The following RAD54L variants were observed in gnomAD, a reference collection of about 807,000 sequenced individuals.
RAD54L encodes the protein RAD54 like.
RAD54L carries 74 observed loss-of-function variants against 91.6 expected under a neutral mutation model. That is an observed-to-expected ratio of 0.81 (90% confidence interval 0.67 to 0.98). RAD54L has a LOEUF of 0.98. Ranked by LOEUF, RAD54L falls within the 50% of genes least tolerant of loss-of-function variation. The pLI is 0.00. For synonymous variants in RAD54L, 304 were observed against 349.7 expected, an observed-to-expected ratio of 0.87 and a Z score of 1.46; for missense variants, 887 against 945.7, an observed-to-expected ratio of 0.94 and a Z score of 0.81.
chr1:46,260,948 G>T lies in RAD54L; in HGVS notation c.699G>T (p.Trp233Cys), dbSNP rs1485410090. Residue 233 changes from tryptophan (W) to cysteine (C), a missense_variant, in exon 7 of 18, where the codon TGG becomes TGT. Trp to Cys is a radical substitution (Grantham distance 215, BLOSUM62 -2). Coordinates refer to ENST00000371975, the MANE Select transcript of RAD54L (RefSeq NM_003579.4). Reference sequence around the variant, plus strand: ...ACTGGTACAATGAGGTTGGGAAATGGCTCGGAGGGAGGATCCAACCTCTGG... The same window carrying T: ...ACTGGTACAATGAGGTTGGGAAATGTCTCGGAGGGAGGATCCAACCTCTGG... ...VKNWYNEVGKWLGGRIQPLAI... is the reference protein window; with the variant it reads ...VKNWYNEVGKCLGGRIQPLAI... 2 of 1,614,066 alleles carry T rather than the reference G, an allele frequency of 1.2e-6. No individual in the cohort carries two copies. The highest frequency in any genetic ancestry group is 2.7e-5 in the African/African-American group (2 of 74,924).
chr1:46,274,304 T>C, intron 15 of RAD54L, 88 bp downstream of exon 15: 1 of 1,214,472 alleles, frequency 8.2e-7, no homozygotes, highest in Non-Finnish European at 1.2e-6. Context: ...TTACCTTGAT[T>C]TTTTTTTTTT....
Position 46,260,564 on chromosome 1 carries a change from GT to G in RAD54L, c.432del (p.Val145LeufsTer17). On this transcript the variant is annotated frameshift_variant, in exon 6 of 18. Transcript: ENST00000371975. LOFTEE classifies it high-confidence loss of function. ...CAGGGAGAAACTCCCTGTCCATGTG[GT>G]TGTTGACCCTATTCTCAGTAAGGTT... ...LDKEKLPVHVVVDPILSKVLR... is the reference protein window; with the variant it reads ...LDKEKLPVHVXVDPILSKVLR... 6.2e-7 allele frequency: 1 copy of G among 1,614,128 alleles called. No homozygotes were observed. Among genetic ancestry groups the G allele is most frequent in the Non-Finnish European group, 8.5e-7 (1 of 1,180,014 alleles).
At position 46,258,728 on chromosome 1, in the gene RAD54L, C is replaced by T. The variant is rs761954096; in HGVS notation, c.253C>T (p.Pro85Ser). Residue 85 changes from proline (P) to serine (S), a missense_variant, in exon 4 of 18, where the codon CCC becomes TCC. Pro to Ser is a moderately conservative substitution (Grantham distance 74). Coordinates refer to ENST00000371975, the MANE Select transcript of RAD54L (RefSeq NM_003579.4). The stretch of plus-strand genomic sequence containing the variant: ...CATTTTGTCAAAGCCTTTCAAAGTC[C>T]CCATTCCAAATTATCAAGGTAAAAT... ...RSILSKPFKV[P>S]IPNYQGPLGS... The T allele has an allele frequency of 2.5e-6, 4 of 1,605,262 alleles. No homozygotes were observed. Among genetic ancestry groups the T allele is most frequent in the South Asian group, 1.1e-5 (1 of 90,892 alleles).
rs1569625531 is a variant in RAD54L, at chr1:46,277,481, A to G, written c.1870-336A>G. 8.3e-5 allele frequency: 33 copies of G among 398,806 alleles called. 2 individuals carry two copies. The highest frequency in any genetic ancestry group is 5.5e-4 in the South Asian group (24 of 43,436). 24.7% of individuals were successfully genotyped at this position (398,806 alleles called of 1,614,324 possible). On this transcript the variant is annotated intron_variant, in intron 16 of 17. Transcript: ENST00000371975. Reference sequence around the variant, plus strand: ...CTGGAATAGAATAGATACCTAAATGATATTTATTGAATGAGTTAGAGTTGG... The same window carrying G: ...CTGGAATAGAATAGATACCTAAATGGTATTTATTGAATGAGTTAGAGTTGG...
intron 12 of RAD54L, among the ~76,000 whole-genome samples, 170 bp from the exon 13 acceptor site, chr1:46,273,185 G>A (rs138328924): frequency 2.0e-5 from 3 of 152,264 alleles, no homozygotes; most frequent in Admixed American, 6.5e-5. Flanking sequence ...TCCATCCATC[G>A]TCCCAGATGG....
At position 46,272,687 on chromosome 1, in the gene RAD54L, G is replaced by T. The variant is rs763313232; in HGVS notation, c.1260G>T (p.Gln420His). ...CCTTTTTTAGGCTGACACCCCTTCA[G>T]ACTGAGTTATACAAGAGGTTTCTGA... ...QVVCCRLTPL[Q>H]TELYKRFLRQ... Residue 420 changes from glutamine to histidine, a missense_variant, in exon 12 of 18, where the codon CAG (glutamine) becomes CAT (histidine). Physicochemically the swap from Gln to His is conservative, Grantham distance 24. Coordinates refer to ENST00000371975, the MANE Select transcript of RAD54L (RefSeq NM_003579.4). The T allele has an allele frequency of 1.9e-6, 3 of 1,614,132 alleles. No individual in the cohort carries two copies. Among genetic ancestry groups the T allele is most frequent in the Non-Finnish European group, 2.5e-6 (3 of 1,180,028 alleles).
In RAD54L at chr1:46,260,445, C is replaced by T. The variant is rs568709743; in HGVS notation, c.408-97C>T. The T allele has an allele frequency of 3.2e-6, 4 of 1,232,920 alleles. No individual in the cohort carries two copies. In the East Asian group the frequency reaches 9.3e-5, roughly 29 times the overall value. 76.4% of individuals were successfully genotyped at this position (1,232,920 alleles called of 1,614,324 possible). ...GCCAAGAAGGTCTTCTTTTAGGCAGCTGCCTCTGTTGCCTCCGGATCAGCA... is the reference window on the plus strand; with the variant it reads ...GCCAAGAAGGTCTTCTTTTAGGCAGTTGCCTCTGTTGCCTCCGGATCAGCA... On this transcript the variant is annotated intron_variant, in intron 5 of 17. Transcript: ENST00000371975.
At position 46,263,329 on chromosome 1, in the gene RAD54L, G is replaced by A. The variant is rs951923774; in HGVS notation, c.891+1944G>A. Among the ~76,000 whole-genome samples, 3 of 152,124 alleles carry A rather than the reference G, an allele frequency of 2.0e-5. No individual in the cohort carries two copies. The highest frequency in any genetic ancestry group is 2.9e-5 in the Non-Finnish European group (2 of 68,028). ...CCCAGGACTTCCCAGTGGGCTTGGC[G>A]ACCCTGAGGCTATAGTCATTGTTTG... is the stretch of plus-strand genomic sequence containing the variant. On this transcript the variant is annotated intron_variant, in intron 8 of 17. Transcript: ENST00000371975. The surrounding 1 kb of genome is among the most constrained non-coding windows in gnomAD (Gnocchi z 4.3).
At chr1:46,272,860 C>T in intron 12 of RAD54L, 58 bp downstream of exon 12, 1 of 1,604,888 alleles carries the variant, frequency 6.2e-7, no homozygotes, top group South Asian at 1.1e-5. Context: ...AGGGTAGGTT[C>T]CTGTAGTGGC....
chr1:46,261,745 G>T (rs1660135276), intron 8 of RAD54L, among the ~76,000 whole-genome samples: 2 of 152,202 alleles, frequency 1.3e-5, no homozygotes, highest in Admixed American at 6.6e-5. Context: ...ATTTTGCCAA[G>T]GTTGAGGATG....
intron 5 of RAD54L, 119 bp from the exon 6 acceptor site, chr1:46,260,423 A>C: frequency 9.3e-7 from 1 of 1,080,186 alleles, no homozygotes; most frequent in African/African-American, 1.5e-5. Context: ...TTTATCAGCC[A>C]AGAAGGTCTT....
intron 3 of RAD54L, among the ~76,000 whole-genome samples, chr1:46,256,264 T>TG (rs1027090149): frequency 9.2e-5 from 14 of 151,746 alleles, no homozygotes; most frequent in East Asian, 1.9e-4. Flanking sequence ...ACGGGGTGTG[T>TG]GGGGGGGTCT....
intron 3 of RAD54L, among the ~76,000 whole-genome samples, chr1:46,257,592 T>C (rs1659978423): frequency 6.6e-6 from 1 of 152,230 alleles, no homozygotes; most frequent in Non-Finnish European, 1.5e-5. Flanking sequence ...TTCTTGCCTT[T>C]AGGTGGAGGA....
rs554436023 is a variant in RAD54L at position 46,260,067 on chromosome 1, G to T, written c.375G>T (p.Pro125=). The change falls in exon 5 of 18, where the codon CCG becomes CCT. Residue 125 remains proline (P), a synonymous_variant. Coordinates refer to ENST00000371975, the MANE Select transcript of RAD54L (RefSeq NM_003579.4). Reference sequence around the variant, plus strand: ...CCTTGGTTCTGTATGAGCCTCCCCCGCTGAGCGCTCATGACCAGCTGAAGC... The same window carrying T: ...CCTTGGTTCTGTATGAGCCTCCCCCTCTGAGCGCTCATGACCAGCTGAAGC... ...KDALVLYEPP[P]LSAHDQLKLD... 1.4e-5 allele frequency: 23 copies of T among 1,614,180 alleles called. No individual in the cohort carries two copies. Among genetic ancestry groups the T allele is most frequent in the Non-Finnish European group, 1.9e-5 (22 of 1,180,040 alleles).
intron 9 of RAD54L, among the ~76,000 whole-genome samples, chr1:46,269,214 T>C (rs1262550369): frequency 6.6e-6 from 1 of 152,234 alleles, no homozygotes; most frequent in Non-Finnish European, 1.5e-5. Flanking sequence ...TCTGTTCCTC[T>C]GGTCCGTTTG....
intron 16 of RAD54L, among the ~76,000 whole-genome samples, chr1:46,276,775 T>C (rs773051619): frequency 2.6e-5 from 4 of 152,228 alleles, no homozygotes; most frequent in Admixed American, 6.5e-5. Context: ...AAGACAAGAT[T>C]AAGGCCTTCA....
intron 8 of RAD54L, 116 bp downstream of exon 8, chr1:46,261,501 C>T: frequency 7.6e-7 from 1 of 1,322,754 alleles, no homozygotes; most frequent in Non-Finnish European, 1.1e-6. Flanking sequence ...CAGGATGCTG[C>T]CTTGGAGACA....
In RAD54L at chr1:46,278,306, T is replaced by C. The variant is rs1176263109; in HGVS notation, c.*24T>C. 1 of 1,594,328 alleles carries C rather than the reference T, an allele frequency of 6.3e-7. No homozygotes were observed. Among genetic ancestry groups the C allele is most frequent in the African/African-American group, 1.3e-5 (1 of 74,536 alleles). ...GATAACCAGCTGGTCTGGGTGTAGC[T>C]CTTAGAGGAAGGAGATAGGGAAAAG... On this transcript the variant is annotated 3_prime_UTR_variant, in exon 18 of 18. Transcript: ENST00000371975.
rs2148291849 is a variant in RAD54L, at chr1:46,263,983, G to A, written c.891+2598G>A. Among the ~76,000 whole-genome samples the A allele has an allele frequency of 6.6e-6, 1 of 152,250 alleles. No individual in the cohort carries two copies. The highest frequency in any genetic ancestry group is 3.4e-3 in the Middle Eastern group (1 of 294). ...GGCTAATTTTTGTATTTTTAGTAGA[G>A]ATGGGGTTTCACCATGTTGGCCAGG... On this transcript the variant is annotated intron_variant, in intron 8 of 17. Coordinates refer to ENST00000371975, the MANE Select transcript of RAD54L (RefSeq NM_003579.4). The surrounding 1 kb of genome is among the most constrained non-coding windows in gnomAD (Gnocchi z 4.3).
Sources: allele counts gnomAD v4.1 joint callset (sites outside exome capture counted in the v4.1 genomes callset), GRCh38; gene constraint gnomAD v4.1.1; non-coding constraint Gnocchi (gnomAD v3.1); transcripts MANE v1.5; gene names NCBI Gene and HGNC (gene_info 2026-07-23, HGNC 2026-07-21).